Variants in CACNA1C observed in about 807,000 individuals in gnomAD.
The protein encoded by CACNA1C is voltage-dependent L-type calcium channel subunit alpha-1C.
A neutral mutation model predicts 229.0 loss-of-function variants in CACNA1C; 30 were observed. The observed-to-expected ratio is 0.13, with a 90% CI of 0.10 to 0.18. The LOEUF (loss-of-function observed/expected upper bound fraction) is 0.18, where lower values mean the gene tolerates loss of function less well. Among genes scored for constraint, CACNA1C ranks in the 10% least tolerant of loss-of-function variants. CACNA1C has a pLI of 1.00. For missense variants in CACNA1C, 1,658 were observed against 2,845.0 expected, an observed-to-expected ratio of 0.58 and a Z score of 9.49; for synonymous variants, 1,114 against 1,132.5, an observed-to-expected ratio of 0.98 and a Z score of 0.33.
At chr12:2,383,050 T>C (rs2098289135) in intron 3 of CACNA1C, among the ~76,000 whole-genome samples, 1 of 152,194 alleles carries the variant, frequency 6.6e-6, no homozygotes, top group African/African-American at 2.4e-5. Context: ...TTTGTAATCC[T>C]GGATTCAAGT....
Position 2,566,085 on chromosome 12 carries a change from T to G in CACNA1C, c.1509-337T>G, listed in dbSNP as rs752209369. ...TTGCTTACAACACTATTTCTAAGAA[T>G]GCTGTTTCACAAAAATTAAAAAAAC... On this transcript the variant is annotated intron_variant, in intron 11 of 46. Coordinates refer to ENST00000399655, the MANE Select transcript of CACNA1C (RefSeq NM_000719.7). The surrounding 1 kb of genome is among the most constrained non-coding windows in gnomAD (Gnocchi z 4.0). Among the ~76,000 whole-genome samples the G allele has an allele frequency of 1.3e-5, 2 of 152,216 alleles. No homozygotes were observed. Among genetic ancestry groups the G allele is most frequent in the Non-Finnish European group, 2.9e-5 (2 of 68,044 alleles).
chr12:2,486,489 C>G lies in CACNA1C; in HGVS notation c.916+227C>G, dbSNP rs2099698125. ...AAACCGGCCTAACGCAAACTTCGTT[C>G]AGCACTTTTCAATAAGCTACACAAT... On this transcript the variant is annotated intron_variant, in intron 6 of 46. Coordinates refer to ENST00000399655, the MANE Select transcript of CACNA1C (RefSeq NM_000719.7). The surrounding 1 kb of genome is among the most constrained non-coding windows in gnomAD (Gnocchi z 4.9). Among the ~76,000 whole-genome samples the G allele has an allele frequency of 6.6e-6, 1 of 152,200 alleles. No homozygotes were observed. Among genetic ancestry groups the G allele is most frequent in the Non-Finnish European group, 1.5e-5 (1 of 68,032 alleles).
intron 1 of CACNA1C, among the ~76,000 whole-genome samples, chr12:2,081,457 G>A (rs970648586): frequency 5.3e-5 from 8 of 152,056 alleles, no homozygotes; most frequent in Non-Finnish European, 7.4e-5. Context: ...TGTAGTCCCC[G>A]CTACTCGGGA....
chr12:1,973,341 A>G (rs547083069), intron 1 of CACNA1C, among the ~76,000 whole-genome samples: 44 of 152,336 alleles, frequency 2.9e-4, no homozygotes, highest in African/African-American at 1.0e-3. Flanking sequence ...TTTGGGGGAA[A>G]CAGTAGAAAC....
At chr12:2,390,896 A>C (rs1380328101) in intron 3 of CACNA1C, among the ~76,000 whole-genome samples, 2 of 152,286 alleles carry the variant, frequency 1.3e-5, no homozygotes, top group South Asian at 4.1e-4. Flanking sequence ...CTTAGTAGAC[A>C]CATCTGGTGA....
intron 3 of CACNA1C, among the ~76,000 whole-genome samples, chr12:2,185,441 T>C (rs2096968715): frequency 6.6e-6 from 1 of 152,232 alleles, no homozygotes; most frequent in South Asian, 2.1e-4. Context: ...AAGCCCTGTC[T>C]CCTGTACTTC....
chr12:2,105,671 G>A, intron 1 of CACNA1C, among the ~76,000 whole-genome samples: 1 of 102,370 alleles, frequency 9.8e-6, no homozygotes, highest in African/African-American at 3.9e-5. Flanking sequence ...GCATCCTGAA[G>A]CCACTGGGCG....
intron 3 of CACNA1C, among the ~76,000 whole-genome samples, chr12:2,374,020 C>T (rs1359521587): frequency 2.0e-5 from 3 of 152,176 alleles, no homozygotes; most frequent in Non-Finnish European, 4.4e-5. Flanking sequence ...ACTTGGTTGC[C>T]ACAGTGGTCA....
Position 2,692,258 on chromosome 12 carries a change from T to C in CACNA1C, c.*1059T>C, listed in dbSNP as rs1202352734. Reference sequence around the variant, plus strand: ...TATCTAATGGAAAGGTAACTGGCAATGCACTTGATGTGGTCTTGCACATGT... The same window carrying C: ...TATCTAATGGAAAGGTAACTGGCAACGCACTTGATGTGGTCTTGCACATGT... On this transcript the variant is annotated 3_prime_UTR_variant, in exon 47 of 47. Coordinates refer to ENST00000399655, the MANE Select transcript of CACNA1C (RefSeq NM_000719.7). 6.6e-6 allele frequency: 1 copy of C among 152,280 alleles called. No individual in the cohort carries two copies. The highest frequency in any genetic ancestry group is 2.4e-5 in the African/African-American group (1 of 41,452). The allele number at this position is 152,280 out of a possible 1,614,324, so 9.4% of individuals were successfully genotyped here.
chr12:2,620,415 A>T (rs2082657827), intron 29 of CACNA1C, among the ~76,000 whole-genome samples: 1 of 152,224 alleles, frequency 6.6e-6, no homozygotes, highest in Non-Finnish European at 1.5e-5. Flanking sequence ...GCGCTTAGTG[A>T]GTCCTCAGTA....
chr12:2,568,613 C>T (rs1266034069), intron 13 of CACNA1C, among the ~76,000 whole-genome samples: 4 of 152,180 alleles, frequency 2.6e-5, no homozygotes, highest in African/African-American at 9.7e-5. Flanking sequence ...CTGACACATG[C>T]TACAAAGTAG....
intron 27 of CACNA1C, among the ~76,000 whole-genome samples, chr12:2,609,936 CA>C (rs2076916552): frequency 1.3e-5 from 2 of 152,092 alleles, no homozygotes. Flanking sequence ...CCAGCCTGGC[CA>C]ACATGGTGAA....
intron 3 of CACNA1C, among the ~76,000 whole-genome samples, chr12:2,339,109 G>A (rs2096786277): frequency 6.6e-6 from 1 of 152,212 alleles, no homozygotes; most frequent in Non-Finnish European, 1.5e-5. Context: ...GAACATCATA[G>A]AGTGAATATA....
At chr12:1,974,871 C>T (rs1316700540) in intron 1 of CACNA1C, among the ~76,000 whole-genome samples, 2 of 152,128 alleles carry the variant, frequency 1.3e-5, no homozygotes, top group African/African-American at 2.4e-5. Flanking sequence ...TATGTTTAAA[C>T]ATGTCTATTT....
intron 3 of CACNA1C, among the ~76,000 whole-genome samples, chr12:2,399,966 A>G (rs2098653817): frequency 6.6e-6 from 1 of 152,216 alleles, no homozygotes; most frequent in South Asian, 2.1e-4. Flanking sequence ...TCCCCCTTGC[A>G]AGGTTTTTAG....
chr12:2,174,220 C>CTA (rs1294529860), intron 3 of CACNA1C, among the ~76,000 whole-genome samples: 2 of 152,034 alleles, frequency 1.3e-5, no homozygotes, highest in Non-Finnish European at 2.9e-5. Flanking sequence ...AGAGAAAACT[C>CTA]TAGACATCAC....
intron 3 of CACNA1C, among the ~76,000 whole-genome samples, chr12:2,200,356 G>C (rs1041881897): frequency 6.6e-6 from 1 of 152,172 alleles, no homozygotes; most frequent in African/African-American, 2.4e-5. Flanking sequence ...CTAACCTAGG[G>C]ATGATTTTGC....
intron 3 of CACNA1C, among the ~76,000 whole-genome samples, chr12:2,421,223 G>A (rs554933445): frequency 8.3e-4 from 126 of 152,232 alleles, no homozygotes; most frequent in Non-Finnish European, 1.6e-3. Flanking sequence ...GTGTTAACTG[G>A]GTTTGCAACT....
At chr12:1,972,925 G>A (rs566002527) in intron 1 of CACNA1C, among the ~76,000 whole-genome samples, 42 of 152,160 alleles carry the variant, frequency 2.8e-4, no homozygotes, top group Non-Finnish European at 4.6e-4. Context: ...GTAAACACTC[G>A]AGCAGCAATG....
Sources: allele counts gnomAD v4.1 joint callset (sites outside exome capture counted in the v4.1 genomes callset), GRCh38; gene constraint gnomAD v4.1.1; non-coding constraint Gnocchi (gnomAD v3.1); transcripts MANE v1.5; gene names NCBI Gene and HGNC (gene_info 2026-07-23, HGNC 2026-07-21).